FGF14: variants seen among roughly 807,000 people sequenced by gnomAD.
FGF14 encodes the protein fibroblast growth factor 14.
In FGF14, 5 loss-of-function variants were observed where a neutral mutation model predicts 25.5. The ratio of observed to expected loss-of-function variants is 0.20; its 90% CI spans 0.10 to 0.41. The LOEUF is 0.41. Among genes scored for constraint, FGF14 ranks in the 10% least tolerant of loss-of-function variants. The probability of loss-of-function intolerance (pLI) is 1.00; values close to 1 mark genes in which losing one functional copy is unlikely to be tolerated. For synonymous variants in FGF14, 138 were observed against 118.3 expected (o/e 1.17, Z -1.08); for missense variants, 222 against 320.1 (o/e 0.69, Z 2.34).
intron 3 of FGF14, among the ~76,000 whole-genome samples, chr13:101,744,783 C>A (rs2036778658): frequency 6.6e-6 from 1 of 151,984 alleles, no homozygotes; most frequent in Non-Finnish European, 1.5e-5. Context: ...TAGTTTATTT[C>A]ATTTTACTTA....
intron 1 of FGF14, among the ~76,000 whole-genome samples, chr13:102,066,309 G>A (rs929553718): frequency 3.9e-5 from 6 of 152,122 alleles, no homozygotes; most frequent in African/African-American, 1.2e-4. Flanking sequence ...CATTGTTACT[G>A]TAGCATATGA....
chr13:102,397,894 A>G (rs2058619650), intron 1 of FGF14, among the ~76,000 whole-genome samples: 1 of 152,136 alleles, frequency 6.6e-6, no homozygotes, highest in African/African-American at 2.4e-5. Context: ...AGTATTCCCT[A>G]TTTAATGATT....
intron 3 of FGF14, among the ~76,000 whole-genome samples, chr13:101,754,992 A>G (rs1385598368): frequency 6.6e-6 from 1 of 152,210 alleles, no homozygotes; most frequent in East Asian, 1.9e-4. Context: ...CTTATACGGC[A>G]TATCAACATT....
chr13:101,788,965 G>GAGAGAGAGAGAGAT (rs2040073837), intron 3 of FGF14, among the ~76,000 whole-genome samples: 3 of 80,606 alleles, frequency 3.7e-5, no homozygotes, highest in Non-Finnish European at 8.4e-5. Flanking sequence ...GAGAGAGAGA[G>GAGAGAGAGAGAGAT]AGAGACAGAG....
intron 3 of FGF14, among the ~76,000 whole-genome samples, chr13:101,792,834 G>T (rs796278514): frequency 2.6e-5 from 4 of 152,040 alleles, no homozygotes; most frequent in African/African-American, 9.7e-5. Flanking sequence ...GAGCTGAGTA[G>T]AACCTGGCTA....
intron 1 of FGF14, among the ~76,000 whole-genome samples, chr13:101,995,486 C>T (rs1185371055): frequency 6.6e-6 from 1 of 152,110 alleles, no homozygotes; most frequent in African/African-American, 2.4e-5. Context: ...TTATAACATA[C>T]ACTATTTCAA....
chr13:102,031,418 T>C lies in FGF14; in HGVS notation c.209-156122A>G, dbSNP rs1279283961. 2.0e-5 allele frequency among the ~76,000 whole-genome samples: 3 copies of C among 152,106 alleles called. No homozygotes were observed. The East Asian group carries it at 5.8e-4, about 29-fold the overall frequency. ...AAAATGCTAAATTATTTGCCCACAT[T>C]CGTACAGCTAGTGCTGGGGATTAGA... On this transcript the variant is annotated intron_variant, in intron 1 of 4. Coordinates refer to the FGF14 transcript ENST00000376131.
At chr13:102,232,822 A>G (rs1213176293) in intron 1 of FGF14, among the ~76,000 whole-genome samples, 3 of 152,254 alleles carry the variant, frequency 2.0e-5, no homozygotes, top group African/African-American at 7.2e-5. Context: ...GAGTATTAGA[A>G]AACCCTGAAT....
At chr13:102,345,129 T>C (rs748611602) in intron 1 of FGF14, among the ~76,000 whole-genome samples, 1 of 152,190 alleles carries the variant, frequency 6.6e-6, no homozygotes, top group Non-Finnish European at 1.5e-5. Context: ...TTAGGTTTTC[T>C]ACATCCCTCT....
rs1306306400 is a variant in FGF14, at chr13:102,161,625, G to GA, written c.208+239845dup. On this transcript the variant is annotated intron_variant, in intron 1 of 4. Coordinates refer to the FGF14 transcript ENST00000376131. Reference sequence around the variant, plus strand: ...AGAAGAAGAAGAAGAAGAAGAAGAAGAAGAAGAAGAAGAAGAAGAAGAAGA... The same window carrying GA: ...AGAAGAAGAAGAAGAAGAAGAAGAAGAAAGAAGAAGAAGAAGAAGAAGAAGA... 2.0e-3 allele frequency among the ~76,000 whole-genome samples: 32 copies of GA among 15,726 alleles called. 2 individuals are homozygous for GA. Among genetic ancestry groups the GA allele is most frequent in the Admixed American group, 1.2e-3 (2 of 1,610 alleles). 10.3% of individuals were successfully genotyped at this position (15,726 alleles called of 152,430 possible). A position where few individuals can be genotyped will look rare whatever the true frequency, so the allele number is the denominator to read the frequency against.
intron 1 of FGF14, among the ~76,000 whole-genome samples, chr13:102,059,290 T>C (rs2042571352): frequency 2.0e-5 from 3 of 152,162 alleles, no homozygotes; most frequent in African/African-American, 2.4e-5. Context: ...ATCTCTTTCC[T>C]CCCTGCAAGC....
At chr13:101,833,688 A>T (rs1049043738) in intron 3 of FGF14, among the ~76,000 whole-genome samples, 12 of 152,076 alleles carry the variant, frequency 7.9e-5, no homozygotes, top group African/African-American at 2.9e-4. Flanking sequence ...CATATATAGA[A>T]ATCATAAAGA....
exon 1 of FGF14, chr13:102,401,724 C>T (rs1320985886): frequency 2.0e-6 from 3 of 1,510,230 alleles, no homozygotes; most frequent in Non-Finnish European, 2.7e-6. Context: ...TTTTTCCCCT[C>T]ACGTGGTATA....
At chr13:101,794,592 G>T (rs1384959699) in intron 3 of FGF14, among the ~76,000 whole-genome samples, 1 of 152,026 alleles carries the variant, frequency 6.6e-6, no homozygotes, top group African/African-American at 2.4e-5. Context: ...TCATCTTTGA[G>T]TCCCTTGGGG....
At chr13:102,010,676 T>C (rs972179681) in intron 1 of FGF14, among the ~76,000 whole-genome samples, 10 of 152,150 alleles carry the variant, frequency 6.6e-5, no homozygotes, top group African/African-American at 2.4e-4. Flanking sequence ...GCTACAATAC[T>C]GGGATATGTT....
chr13:102,333,620 T>G (rs996761025), intron 1 of FGF14, among the ~76,000 whole-genome samples: 29 of 152,162 alleles, frequency 1.9e-4, no homozygotes, highest in African/African-American at 7.0e-4. Flanking sequence ...TTTCTTGTGT[T>G]CTGATGATGG....
chr13:101,850,737 AGAGT>A (rs1015361128), intron 3 of FGF14, among the ~76,000 whole-genome samples: 5 of 148,780 alleles, frequency 3.4e-5, no homozygotes, highest in South Asian at 2.1e-4. Flanking sequence ...GAAGATATAT[AGAGT>A]GTGTATATAT....
chr13:102,251,304 C>T (rs1298136658), intron 1 of FGF14, among the ~76,000 whole-genome samples: 1 of 152,116 alleles, frequency 6.6e-6, no homozygotes, highest in Non-Finnish European at 1.5e-5. Context: ...TCCTGTCTTG[C>T]AATCCACCTG....
chr13:101,789,105 T>C (rs140683983), intron 3 of FGF14, among the ~76,000 whole-genome samples: 73 of 151,920 alleles, frequency 4.8e-4, no homozygotes, highest in African/African-American at 1.5e-3. Flanking sequence ...CACAGATGTC[T>C]CTGATTTTAG....
Sources: gnomAD v4.1 joint callset for allele counts (sites outside exome capture counted in the v4.1 genomes callset) on GRCh38, gnomAD v4.1.1 for gene constraint, MANE v1.5 for transcripts, NCBI Gene and HGNC (gene_info 2026-07-23, HGNC 2026-07-21) for gene names.